The following CA10 variants were observed in gnomAD, a reference collection of about 807,000 sequenced individuals.
The protein encoded by CA10 is carbonic anhydrase-related protein 10.
Under a neutral mutation model 44.2 loss-of-function variants are expected in CA10, and 14 were observed. That is an observed-to-expected ratio of 0.32 (90% CI 0.21 to 0.50). The LOEUF is 0.50. Among genes scored for constraint, CA10 ranks in the 20% least tolerant of loss-of-function variants. The pLI, the probability that CA10 is intolerant of heterozygous loss-of-function variation, is 0.99. For missense variants in CA10, 350 were observed against 409.7 expected, an observed-to-expected ratio of 0.85 and a Z score of 1.26; for synonymous variants, 159 against 141.6, an observed-to-expected ratio of 1.12 and a Z score of -0.87.
In CA10 at chr17:51,717,665, A is replaced by ACATATATGTATATACATATATG. The variant is rs1160177172; in HGVS notation, c.465+29967_465+29968insCATATATGTATATACATATATG. 3.1e-4 allele frequency among the ~76,000 whole-genome samples: 12 copies of ACATATATGTATATACATATATG among 38,934 alleles called. 1 individual carries two copies. Among genetic ancestry groups the ACATATATGTATATACATATATG allele is most frequent in the African/African-American group, 6.6e-4 (10 of 15,156 alleles). 25.5% of individuals were successfully genotyped at this position (38,934 alleles called of 152,430 possible). Reference sequence around the variant, plus strand: ...TATATATACATATATACGTATATATACATGTATATATGTATATATGTATAC... The same window carrying ACATATATGTATATACATATATG: ...TATATATACATATATACGTATATATACATATATGTATATACATATATGCATGTATATATGTATATATGTATAC... On this transcript the variant is annotated intron_variant, in intron 4 of 8. Coordinates refer to ENST00000451037, the MANE Select transcript of CA10 (RefSeq NM_020178.5).
chr17:51,709,985 A>T (rs1915882587), intron 4 of CA10, among the ~76,000 whole-genome samples: 1 of 152,182 alleles, frequency 6.6e-6, no homozygotes, highest in Non-Finnish European at 1.5e-5. Flanking sequence ...GAACTGCAGA[A>T]TTTCTCTGGT....
chr17:51,943,648 T>C (rs1253467458), intron 2 of CA10, among the ~76,000 whole-genome samples: 1 of 152,154 alleles, frequency 6.6e-6, no homozygotes, highest in East Asian at 1.9e-4. Flanking sequence ...GCAAGCATGA[T>C]CTGGGACTCA....
At chr17:52,104,831 C>T (rs1988623219) in intron 1 of CA10, among the ~76,000 whole-genome samples, 1 of 152,198 alleles carries the variant, frequency 6.6e-6, no homozygotes, top group Non-Finnish European at 1.5e-5. Flanking sequence ...GTCGATTCAT[C>T]ATTTGCTGCA....
At chr17:51,891,092 T>C (rs1980835483) in intron 3 of CA10, among the ~76,000 whole-genome samples, 3 of 152,144 alleles carry the variant, frequency 2.0e-5, no homozygotes, top group Admixed American at 6.5e-5. Flanking sequence ...ATTCCAATGA[T>C]TATCAGTGGT....
At position 52,078,784 on chromosome 17, in the gene CA10, G is replaced by A. The variant is rs548134297; in HGVS notation, c.62-6391C>T. On this transcript the variant is annotated intron_variant, in intron 1 of 8. Transcript: ENST00000451037. ...AATGACTGCCCCATTGAGCTGCATG[G>A]CACTCACTAGACTAACGGGGATAAT... Among the ~76,000 whole-genome samples, 12 of 152,276 alleles carry A rather than the reference G, an allele frequency of 7.9e-5. No individual in the cohort carries two copies. The South Asian group carries it at 2.5e-3, about 32-fold the overall frequency.
At chr17:51,820,405 A>ACC (rs748623140) in intron 3 of CA10, among the ~76,000 whole-genome samples, 59 of 39,194 alleles carry the variant, frequency 1.5e-3, no homozygotes, top group African/African-American at 4.1e-3. Context: ...GGATTCCCCT[A>ACC]CCCCCCCCCC....
chr17:51,875,532 C>T (rs1350164553), intron 3 of CA10, among the ~76,000 whole-genome samples: 1 of 152,174 alleles, frequency 6.6e-6, no homozygotes, highest in African/African-American at 2.4e-5. Flanking sequence ...GGGAAGAAGG[C>T]TGTTTCTGCA....
intron 2 of CA10, among the ~76,000 whole-genome samples, chr17:51,990,769 T>G (rs1249457072): frequency 2.0e-5 from 3 of 152,134 alleles, no homozygotes; most frequent in Non-Finnish European, 4.4e-5. Flanking sequence ...GTGGCTGGGA[T>G]GTTCTTGAGA....
intron 4 of CA10, among the ~76,000 whole-genome samples, chr17:51,731,491 CTGA>C (rs1199790230): frequency 5.3e-5 from 8 of 152,084 alleles, no homozygotes; most frequent in African/African-American, 1.9e-4. Flanking sequence ...GTGGACATAT[CTGA>C]TGGACAATTA....
intron 3 of CA10, among the ~76,000 whole-genome samples, chr17:51,803,823 T>A (rs930624706): frequency 1.3e-5 from 2 of 152,230 alleles, no homozygotes; most frequent in African/African-American, 4.8e-5. Context: ...CTGCAAGGAA[T>A]CGAGCATCTT....
intron 4 of CA10, among the ~76,000 whole-genome samples, chr17:51,723,435 T>C (rs9903638): frequency 0.65 from 98,769 of 152,034 alleles, 32,319 homozygotes; most frequent in Admixed American, 0.73. Flanking sequence ...TGTGAACACT[T>C]GGTAAGTGCT....
intron 1 of CA10, among the ~76,000 whole-genome samples, chr17:52,140,838 A>G (rs566112681): frequency 1.7e-4 from 26 of 152,254 alleles, no homozygotes; most frequent in African/African-American, 6.3e-4. Context: ...AGAGAGGACA[A>G]CAATCATCTC....
At chr17:52,027,893 G>C (rs1467017395) in intron 2 of CA10, among the ~76,000 whole-genome samples, 1 of 152,140 alleles carries the variant, frequency 6.6e-6, no homozygotes, top group Non-Finnish European at 1.5e-5. Context: ...ACAGTCATTT[G>C]ACAGAATCTC....
chr17:51,860,473 T>C (rs1416672036), intron 3 of CA10, among the ~76,000 whole-genome samples: 1 of 152,120 alleles, frequency 6.6e-6, no homozygotes, highest in Non-Finnish European at 1.5e-5. Context: ...ATGGAGGAGG[T>C]GGGCCTGACA....
intron 2 of CA10, among the ~76,000 whole-genome samples, chr17:51,969,974 G>A (rs762769849): frequency 3.3e-5 from 5 of 152,126 alleles, no homozygotes; most frequent in Middle Eastern, 3.4e-3. Flanking sequence ...TGACCAAGGC[G>A]TATGGAGTTA....
chr17:51,755,586 A>G, intron 3 of CA10, among the ~76,000 whole-genome samples: 1 of 152,254 alleles, frequency 6.6e-6, no homozygotes, highest in East Asian at 1.9e-4. Flanking sequence ...AAAATGGAGT[A>G]GCTGAGAGGA....
chr17:51,873,092 T>A (rs1567868581), intron 3 of CA10, among the ~76,000 whole-genome samples: 1 of 152,222 alleles, frequency 6.6e-6, no homozygotes, highest in Non-Finnish European at 1.5e-5. Flanking sequence ...TAATCTTTAC[T>A]AACTGTGGGA....
chr17:51,830,195 C>CAAAAAAAAAAAAAAAAAAAAA (rs1220410518), intron 3 of CA10, among the ~76,000 whole-genome samples: 2 of 89,984 alleles, frequency 2.2e-5, no homozygotes, highest in Admixed American at 1.0e-4. Flanking sequence ...GACTCCATCT[C>CAAAAAAAAAAAAAAAAAAAAA]AAAAAAAAAA....
intron 1 of CA10, among the ~76,000 whole-genome samples, chr17:52,152,278 A>G (rs1273267009): frequency 1.3e-5 from 2 of 152,184 alleles, no homozygotes; most frequent in Admixed American, 1.3e-4. Context: ...AAAGATCCTT[A>G]ATACAAAAAC....
Sources: allele counts gnomAD v4.1 joint callset (sites outside exome capture counted in the v4.1 genomes callset), GRCh38; gene constraint gnomAD v4.1.1; transcripts MANE v1.5; gene names NCBI Gene and HGNC (gene_info 2026-07-23, HGNC 2026-07-21).